The following HTR2A variants were observed in gnomAD, a reference collection of about 807,000 sequenced individuals.
HTR2A encodes 5-HT2 receptor.
In HTR2A, 14 loss-of-function variants were observed where a neutral mutation model predicts 31.0. The observed-to-expected ratio is 0.45, with a 90% confidence interval of 0.30 to 0.71. The LOEUF (loss-of-function observed/expected upper bound fraction) is 0.71, where lower values mean the gene tolerates loss of function less well. HTR2A is among the 30% of genes least tolerant of loss of function. HTR2A has a pLI of 0.09. For synonymous variants in HTR2A, 209 were observed against 225.2 expected, an observed-to-expected ratio of 0.93 and a Z score of 0.64; for missense variants, 442 against 573.3, an observed-to-expected ratio of 0.77 and a Z score of 2.34.
At chr13:46,879,656 T>C (rs887959295) in intron 3 of HTR2A, among the ~76,000 whole-genome samples, 4 of 152,206 alleles carry the variant, frequency 2.6e-5, no homozygotes, top group Non-Finnish European at 5.9e-5. Context: ...GACATGATTA[T>C]CTGCCTTAGA....
Position 46,878,362 on chromosome 13 carries a change from A to G in HTR2A, c.613+14028T>C, listed in dbSNP as rs1360986914. ...GTAGATGTTGATGGCAGATGCTAAG[A>G]CAGCCTTCAGGAGAAACAGGTAGAC... On this transcript the variant is annotated intron_variant, in intron 3 of 3. Transcript: ENST00000542664. Among the ~76,000 whole-genome samples, 5 of 152,206 alleles carry G rather than the reference A, an allele frequency of 3.3e-5. 1 individual carries two copies. The highest frequency in any genetic ancestry group is 7.2e-5 in the African/African-American group (3 of 41,462).
chr13:46,844,144 T>C (rs59244124), intron 3 of HTR2A, among the ~76,000 whole-genome samples: 5,250 of 152,320 alleles, frequency 0.034, 290 homozygotes, highest in African/African-American at 0.12. Flanking sequence ...ATTCATGAGA[T>C]GACAATCTCA....
At position 46,896,709 on chromosome 13, in the gene HTR2A, T is replaced by C. The variant is rs1951108037; in HGVS notation, c.-364A>G. 1 of 1,535,644 alleles carries C rather than the reference T, an allele frequency of 6.5e-7. No individual in the cohort carries two copies. Among genetic ancestry groups the C allele is most frequent in the Non-Finnish European group, 8.7e-7 (1 of 1,145,824 alleles). Reference sequence around the variant, plus strand: ...AGGGTCCACACATGAGATACATTTGTTATTCTGTGACTCGCTGCATCTCTC... The same window carrying C: ...AGGGTCCACACATGAGATACATTTGCTATTCTGTGACTCGCTGCATCTCTC... On this transcript the variant is annotated 5_prime_UTR_variant, in exon 1 of 4. It removes the in-frame stop codon of an upstream open reading frame in the 5' UTR. Coordinates refer to ENST00000542664, the MANE Select transcript of HTR2A (RefSeq NM_000621.5).
chr13:46,887,593 T>C (rs1593444700), intron 3 of HTR2A, among the ~76,000 whole-genome samples: 3 of 151,908 alleles, frequency 2.0e-5, no homozygotes, highest in East Asian at 3.9e-4. Context: ...GTGATTAATA[T>C]TTAAGAAAAT....
chr13:46,895,576 A>G lies in HTR2A; in HGVS notation c.331T>C (p.Tyr111His). The change falls in exon 2 of 4, where the codon TAT becomes CAT. Residue 111 changes from tyrosine (Y) to histidine (H), a missense_variant. Tyr to His is a moderately conservative substitution (Grantham distance 83). Transcript: ENST00000542664. This position sits in a 1 kb window ranked among gnomAD's most constrained non-coding sequence, Gnocchi z 4.4. ...GCTATGGCAAGTGACATCAGGAAAT[A>G]GTTGGTGGCATTCTGCAGCTTTTTC... is the stretch of plus-strand genomic sequence containing the variant. ...LEKKLQNATNYFLMSLAIADM... is the reference protein window; with the variant it reads ...LEKKLQNATNHFLMSLAIADM... The G allele has an allele frequency of 6.2e-7, 1 of 1,614,188 alleles. No individual in the cohort carries two copies. Among genetic ancestry groups the G allele is most frequent in the Non-Finnish European group, 8.5e-7 (1 of 1,180,018 alleles).
intron 3 of HTR2A, among the ~76,000 whole-genome samples, chr13:46,857,328 G>A (rs1389824319): frequency 2.0e-5 from 3 of 150,686 alleles, no homozygotes; most frequent in African/African-American, 7.3e-5. Flanking sequence ...ATTGCCCACA[G>A]ATCTCAAGGC....
chr13:46,838,450 A>G (rs1950575506), intron 3 of HTR2A, among the ~76,000 whole-genome samples: 1 of 152,220 alleles, frequency 6.6e-6, no homozygotes, highest in Non-Finnish European at 1.5e-5. Context: ...CCAGTGGTCA[A>G]TAAACATGAG....
At chr13:46,866,866 A>C (rs1375396575) in intron 3 of HTR2A, among the ~76,000 whole-genome samples, 1 of 152,160 alleles carries the variant, frequency 6.6e-6, no homozygotes, top group Non-Finnish European at 1.5e-5. Context: ...TTCTCTACTA[A>C]AAATACAAAG....
intron 3 of HTR2A, among the ~76,000 whole-genome samples, chr13:46,884,772 G>A (rs749628605): frequency 6.6e-6 from 1 of 152,100 alleles, no homozygotes; most frequent in Non-Finnish European, 1.5e-5. Flanking sequence ...TGATAAGTGT[G>A]AAGTCTTTTG....
rs932339640 is a variant in HTR2A at position 46,897,018 on chromosome 13, G to A, written c.-673C>T. On this transcript the variant is annotated 5_prime_UTR_variant, in exon 1 of 4. Transcript: ENST00000542664. ...AGTAGGAAGAGCTGTCTGCACCAAG[G>A]GACTCCTGGTTTCCACGGGAATGGA... The A allele has an allele frequency of 2.1e-5, 12 of 579,272 alleles. No individual in the cohort carries two copies. In the African/African-American group the frequency reaches 2.3e-4, roughly 11 times the overall value. 35.9% of individuals were successfully genotyped at this position (579,272 alleles called of 1,614,324 possible).
rs536843670 is a variant in HTR2A at position 46,843,014 on chromosome 13, T to C, written c.614-7375A>G. Among the ~76,000 whole-genome samples the C allele has an allele frequency of 3.0e-4, 45 of 152,352 alleles. No individual in the cohort carries two copies. The South Asian group carries it at 8.7e-3, about 29-fold the overall frequency. On this transcript the variant is annotated intron_variant, in intron 3 of 3. Coordinates refer to ENST00000542664, the MANE Select transcript of HTR2A (RefSeq NM_000621.5). The stretch of plus-strand genomic sequence containing the variant: ...CTGAGTAGTGTGATAAAATCTTGTG[T>C]TGTCCTACTCCACCCCACCTGGGAT...
In HTR2A at chr13:46,845,643, CAA is replaced by C. The variant is rs11394720; in HGVS notation, c.614-10006_614-10005del. ...ACTACCATTCATTAATTCATCACTC[CAA>C]AAAAAAAAAAAAAAAGAAAAAAAGA... is the stretch of plus-strand genomic sequence containing the variant. On this transcript the variant is annotated intron_variant, in intron 3 of 3. Coordinates refer to ENST00000542664, the MANE Select transcript of HTR2A (RefSeq NM_000621.5). Among the ~76,000 whole-genome samples, 394 of 112,946 alleles carry C rather than the reference CAA, an allele frequency of 3.5e-3. 7 individuals carry two copies. In the East Asian group the frequency reaches 0.069, roughly 20 times the overall value. 74.1% of individuals were successfully genotyped at this position (112,946 alleles called of 152,430 possible).
At chr13:46,879,326 G>A (rs1261339498) in intron 3 of HTR2A, among the ~76,000 whole-genome samples, 1 of 152,188 alleles carries the variant, frequency 6.6e-6, no homozygotes, top group Non-Finnish European at 1.5e-5. Context: ...TGTATTACCT[G>A]AATGAATTGT....
chr13:46,851,403 GATAC>G (rs1200296206), intron 3 of HTR2A, among the ~76,000 whole-genome samples: 2 of 152,220 alleles, frequency 1.3e-5, no homozygotes, highest in African/African-American at 4.8e-5. Flanking sequence ...TACATGCACA[GATAC>G]ATACAGCACA....
chr13:46,855,367 T>C (rs1950727334), intron 3 of HTR2A, among the ~76,000 whole-genome samples: 1 of 152,192 alleles, frequency 6.6e-6, no homozygotes, highest in South Asian at 2.1e-4. Context: ...CACTATGACC[T>C]TCAGAAGGGG....
At chr13:46,861,735 T>A (rs963762923) in intron 3 of HTR2A, among the ~76,000 whole-genome samples, 1 of 152,172 alleles carries the variant, frequency 6.6e-6, no homozygotes, top group Non-Finnish European at 1.5e-5. Flanking sequence ...TTCAGAGCAA[T>A]TAGTGTTTGG....
rs564827609 is a variant in HTR2A, at chr13:46,856,849, C to G, written c.614-21210G>C. Among the ~76,000 whole-genome samples the G allele has an allele frequency of 3.9e-4, 59 of 152,236 alleles. 1 individual carries two copies. The South Asian group carries it at 7.3e-3, about 19-fold the overall frequency. On this transcript the variant is annotated intron_variant, in intron 3 of 3. Coordinates refer to ENST00000542664, the MANE Select transcript of HTR2A (RefSeq NM_000621.5). ...AAACAGCCACATGATAGCAGGGGCA[C>G]GATAACAGTCCCTGTTGTGCAGCTC...
In HTR2A at chr13:46,834,797, G is replaced by T. The variant is rs1401862845; in HGVS notation, c.*40C>A. The stretch of plus-strand genomic sequence containing the variant: ...TTTTTTTCCAGATAGGTGAAAACTT[G>T]CTCAGTGTGCCTTCCACAGTTGCCA... On this transcript the variant is annotated 3_prime_UTR_variant, in exon 4 of 4. Coordinates refer to ENST00000542664, the MANE Select transcript of HTR2A (RefSeq NM_000621.5). 2 of 1,477,580 alleles carry T rather than the reference G, an allele frequency of 1.4e-6. No homozygotes were observed. Among genetic ancestry groups the T allele is most frequent in the Non-Finnish European group, 9.2e-7 (1 of 1,091,678 alleles). The allele number at this position is 1,477,580 out of a possible 1,614,324, so 91.5% of individuals were successfully genotyped here.
At chr13:46,852,078 A>T (rs1163375569) in intron 3 of HTR2A, 1 of 152,252 alleles carries the variant, frequency 6.6e-6, no homozygotes, top group Non-Finnish European at 1.5e-5. Flanking sequence ...CAGGAAAAGG[A>T]CCGTGGGCCA....
Sources: gnomAD v4.1 joint callset for allele counts (sites outside exome capture counted in the v4.1 genomes callset) on GRCh38, gnomAD v4.1.1 for gene constraint, Gnocchi (gnomAD v3.1) non-coding constraint, MANE v1.5 for transcripts, NCBI Gene and HGNC (gene_info 2026-07-23, HGNC 2026-07-21) for gene names.